Variants in SLIT2 observed in about 807,000 individuals in gnomAD.
SLIT2 encodes the protein slit homolog 2 protein.
Under a neutral mutation model 185.7 loss-of-function variants are expected in SLIT2, and 41 were observed. That is an observed-to-expected ratio of 0.22 (90% CI 0.17 to 0.29). SLIT2 has a LOEUF of 0.29. Ranked by LOEUF, SLIT2 falls within the 10% of genes least tolerant of loss-of-function variation. The pLI is 1.00. For missense variants in SLIT2, 1,571 were observed against 1,909.0 expected (o/e 0.82, Z 3.30); for synonymous variants, 693 against 680.2 (o/e 1.02, Z -0.29).
intron 4 of SLIT2, among the ~76,000 whole-genome samples, chr4:20,296,705 C>T (rs975178046): frequency 6.6e-6 from 1 of 152,150 alleles, no homozygotes; most frequent in African/African-American, 2.4e-5. Flanking sequence ...CACTGCCGCA[C>T]CACCCTGACT....
At chr4:20,567,871 G>A (rs1243665699) in intron 28 of SLIT2, among the ~76,000 whole-genome samples, 1 of 151,982 alleles carries the variant, frequency 6.6e-6, no homozygotes, top group Admixed American at 6.6e-5. Context: ...GGTTAATCAG[G>A]TCAGATTAGG....
chr4:20,493,509 A>G (rs1293515722), intron 9 of SLIT2, among the ~76,000 whole-genome samples: 2 of 152,208 alleles, frequency 1.3e-5, no homozygotes, highest in African/African-American at 4.8e-5. Flanking sequence ...ATTAAATGAG[A>G]TACACAGTGA....
chr4:20,596,320 A>G (rs1727973005), intron 31 of SLIT2, 95 bp from the exon 32 acceptor site: 2 of 1,157,404 alleles, frequency 1.7e-6, no homozygotes, highest in Admixed American at 2.2e-5. Flanking sequence ...GGAAGTGCAC[A>G]TATATAATAT....
chr4:20,569,110 G>T (rs530014052), intron 29 of SLIT2, 106 bp downstream of exon 29: 1 of 942,712 alleles, frequency 1.1e-6, no homozygotes, highest in Non-Finnish European at 1.7e-6. Context: ...TTTGATAAAT[G>T]GTAGGTGTCT....
intron 4 of SLIT2, among the ~76,000 whole-genome samples, chr4:20,467,236 C>A (rs999451474): frequency 6.6e-6 from 1 of 152,206 alleles, no homozygotes; most frequent in Non-Finnish European, 1.5e-5. Flanking sequence ...GCCGGTTCTG[C>A]CATGTTCCAT....
Position 20,598,328 on chromosome 4 carries a change from G to A in SLIT2, c.3625G>A (p.Glu1209Lys). Residue 1209 changes from glutamate (E) to lysine (K), a missense_variant, in exon 33 of 37, where the codon GAA (glutamate) becomes AAA (lysine). Coordinates refer to ENST00000504154, the MANE Select transcript of SLIT2 (RefSeq NM_004787.4). ...GGGTGACAAAGACCATATCGCGGTA[G>A]AACTCTATCGGGGGCGTGTTCGTGC... The part of the protein sequence containing the change: ...YKGDKDHIAV[E>K]LYRGRVRASY... The A allele has an allele frequency of 6.2e-7, 1 of 1,614,092 alleles. No homozygotes were observed.
chr4:20,392,769 A>G (rs561818211), intron 4 of SLIT2, among the ~76,000 whole-genome samples: 1 of 152,224 alleles, frequency 6.6e-6, no homozygotes, highest in South Asian at 2.1e-4. Context: ...AGGATCATCA[A>G]TATCACTGTC....
At chr4:20,416,682 A>G (rs1727715044) in intron 4 of SLIT2, among the ~76,000 whole-genome samples, 1 of 152,256 alleles carries the variant, frequency 6.6e-6, no homozygotes, top group Admixed American at 6.5e-5. Flanking sequence ...GCTTTTTAAA[A>G]GACTATAAAT....
intron 4 of SLIT2, among the ~76,000 whole-genome samples, chr4:20,424,238 C>A (rs1179310185): frequency 6.6e-6 from 1 of 152,058 alleles, no homozygotes; most frequent in East Asian, 1.9e-4. Flanking sequence ...TTTCAAAGCA[C>A]CTTAACTTCA....
chr4:20,322,942 A>C (rs182194873), intron 4 of SLIT2, among the ~76,000 whole-genome samples: 3 of 152,322 alleles, frequency 2.0e-5, no homozygotes, highest in Admixed American at 6.5e-5. Flanking sequence ...TCAGTGGATT[A>C]GTTGAGTACC....
intron 4 of SLIT2, among the ~76,000 whole-genome samples, chr4:20,285,786 A>G (rs1715208108): frequency 1.3e-5 from 2 of 152,162 alleles, no homozygotes; most frequent in Admixed American, 1.3e-4. Context: ...GGGCTCAAGC[A>G]ATCTACCTGC....
intron 4 of SLIT2, among the ~76,000 whole-genome samples, chr4:20,366,492 A>G (rs1275891814): frequency 6.6e-6 from 1 of 152,166 alleles, no homozygotes; most frequent in Non-Finnish European, 1.5e-5. Flanking sequence ...CTAGTTGCCC[A>G]GAAGTAGATG....
chr4:20,552,130 T>G (rs1011497013), intron 25 of SLIT2, among the ~76,000 whole-genome samples: 1 of 152,144 alleles, frequency 6.6e-6, no homozygotes, highest in African/African-American at 2.4e-5. Flanking sequence ...AGCTGCAATA[T>G]GAAGGAAGCT....
intron 4 of SLIT2, among the ~76,000 whole-genome samples, chr4:20,345,347 T>C (rs1721296953): frequency 6.6e-6 from 1 of 152,164 alleles, no homozygotes; most frequent in Admixed American, 6.6e-5. Flanking sequence ...TGTGCCTCAA[T>C]TAGAGCACAG....
At chr4:20,510,925 C>CCTT in intron 10 of SLIT2, 141 bp from the exon 11 acceptor site, 1 of 542,856 alleles carries the variant, frequency 1.8e-6, no homozygotes, top group Non-Finnish European at 3.3e-6. Context: ...AATTTCTGAT[C>CCTT]CTTCAGATGT....
At chr4:20,384,676 C>T (rs1045032670) in intron 4 of SLIT2, among the ~76,000 whole-genome samples, 3 of 152,000 alleles carry the variant, frequency 2.0e-5, no homozygotes, top group African/African-American at 7.2e-5. Flanking sequence ...AGAAAGGAAC[C>T]GTTGAAAGAT....
At chr4:20,260,479 A>G (rs2109013881) in intron 3 of SLIT2, among the ~76,000 whole-genome samples, 1 of 151,942 alleles carries the variant, frequency 6.6e-6, no homozygotes, top group South Asian at 2.1e-4. Flanking sequence ...AAAAACATTA[A>G]TTTTATTCTT....
intron 4 of SLIT2, among the ~76,000 whole-genome samples, chr4:20,388,816 A>ATT (rs1725149423): frequency 6.9e-6 from 1 of 145,702 alleles, no homozygotes; most frequent in Non-Finnish European, 1.5e-5. Flanking sequence ...TAACATATGT[A>ATT]AAATATATAT....
At chr4:20,268,342 T>C (rs1713247608) in intron 3 of SLIT2, among the ~76,000 whole-genome samples, 1 of 151,776 alleles carries the variant, frequency 6.6e-6, no homozygotes, top group Non-Finnish European at 1.5e-5. Flanking sequence ...TCACACCTTT[T>C]TTTTTTTTCC....
Sources: allele counts gnomAD v4.1 joint callset (sites outside exome capture counted in the v4.1 genomes callset), GRCh38; gene constraint gnomAD v4.1.1; transcripts MANE v1.5; gene names NCBI Gene and HGNC (gene_info 2026-07-23, HGNC 2026-07-21).